STAT1: variants seen among roughly 807,000 people sequenced by gnomAD.
The protein encoded by STAT1 is signal transducer and activator of transcription 1, also known as signal transducer and activator of transcription 1-alpha/beta.
STAT1 carries 24 observed loss-of-function variants against 111.7 expected under a neutral mutation model. The observed-to-expected ratio is 0.21, with a 90% CI of 0.16 to 0.30. The LOEUF (loss-of-function observed/expected upper bound fraction) is 0.30. STAT1 is among the 10% of genes least tolerant of loss of function. The probability of loss-of-function intolerance (pLI) is 1.00; values close to 1 mark genes in which losing one functional copy is unlikely to be tolerated. For missense variants in STAT1, 351 were observed against 911.9 expected (o/e 0.38, Z 7.92); for synonymous variants, 332 against 326.5 (o/e 1.02, Z -0.18).
In STAT1 at chr2:190,974,993, T is replaced by C. The variant is rs987670813; in HGVS notation, c.2136-61A>G. The C allele has an allele frequency of 7.5e-6, 9 of 1,194,114 alleles. No individual in the cohort carries two copies. The highest frequency in any genetic ancestry group is 3.8e-4 in the Middle Eastern group (2 of 5,320). The allele number at this position is 1,194,114 out of a possible 1,614,324, so 74.0% of individuals were successfully genotyped here. Reference sequence around the variant, plus strand: ...TCTGAGTGATGAAAGCACTAGTGCATACTTACACACTTTATCTTTTGTCTG... The same window carrying C: ...TCTGAGTGATGAAAGCACTAGTGCACACTTACACACTTTATCTTTTGTCTG... On this transcript the variant is annotated intron_variant, in intron 23 of 24. Coordinates refer to ENST00000361099, the MANE Select transcript of STAT1 (RefSeq NM_007315.4). This position sits in a 1 kb window ranked among gnomAD's most constrained non-coding sequence, Gnocchi z 4.8.
rs754899246 is a variant in STAT1 at position 191,007,551 on chromosome 2, A to G, written c.372+12T>C. 1 of 1,592,388 alleles carries G rather than the reference A, an allele frequency of 6.3e-7. No individual in the cohort carries two copies. The highest frequency in any genetic ancestry group is 1.1e-5 in the South Asian group (1 of 90,654). On this transcript the variant is annotated intron_variant, in intron 5 of 24. Transcript: ENST00000361099. This position sits in a 1 kb window ranked among gnomAD's most constrained non-coding sequence, Gnocchi z 4.2. ...TTTATTACAGTTTATGTGTTCAATG[A>G]GAAAAAAGTACCTGATTAAATCTCT...
rs1018117023 is a variant in STAT1, at chr2:190,973,666, C to A, written c.2238+1164G>T. Among the ~76,000 whole-genome samples, 1 of 152,166 alleles carries A rather than the reference C, an allele frequency of 6.6e-6. No individual in the cohort carries two copies. The highest frequency in any genetic ancestry group is 1.5e-5 in the Non-Finnish European group (1 of 68,036). ...TTGGGAGCGAAACTCTAGCAGGATC[C>A]TTCTTACATGCAGAAAAGGTTCATT... On this transcript the variant is annotated intron_variant, in intron 24 of 24. Transcript: ENST00000361099. The surrounding 1 kb of genome is among the most constrained non-coding windows in gnomAD (Gnocchi z 4.4).
Position 190,979,626 on chromosome 2 carries a change from C to A in STAT1, c.1727+146G>T. 1.6e-6 allele frequency: 1 copy of A among 611,946 alleles called. No individual in the cohort carries two copies. 37.9% of individuals were successfully genotyped at this position (611,946 alleles called of 1,614,324 possible). A position where few individuals can be genotyped will look rare whatever the true frequency, so the allele number is the denominator to read the frequency against. Reference sequence around the variant, plus strand: ...GTTAATGTTATGAGGTTCTACTCTTCTGAAGCCCTGAAGGGGCAGCCTATA... The same window carrying A: ...GTTAATGTTATGAGGTTCTACTCTTATGAAGCCCTGAAGGGGCAGCCTATA... On this transcript the variant is annotated intron_variant, in intron 20 of 24. Transcript: ENST00000361099. This position sits in a 1 kb window ranked among gnomAD's most constrained non-coding sequence, Gnocchi z 5.8.
At chr2:190,991,399 A>G in intron 10 of STAT1, 79 bp from the exon 11 acceptor site, 1 of 1,328,804 alleles carries the variant, frequency 7.5e-7, no homozygotes, top group Non-Finnish European at 1.1e-6. Flanking sequence ...TCCTGAAAGA[A>G]AAAAGGGGGT....
rs1312572807 is a variant in STAT1, at chr2:190,976,718, C to T, written c.2059+122G>A. The T allele has an allele frequency of 1.2e-6, 1 of 840,236 alleles. No individual in the cohort carries two copies. Among genetic ancestry groups the T allele is most frequent in the South Asian group, 1.4e-5 (1 of 69,736 alleles). The allele number at this position is 840,236 out of a possible 1,614,324, so 52.0% of individuals were successfully genotyped here. A position where few individuals can be genotyped will look rare whatever the true frequency, so the allele number is the denominator to read the frequency against. ...TTCACCTGCACTGAGTTTATGCCAT[C>T]TTTTGAAAGCCTACTCTTACCAATT... On this transcript the variant is annotated intron_variant, in intron 22 of 24. Coordinates refer to ENST00000361099, the MANE Select transcript of STAT1 (RefSeq NM_007315.4). The surrounding 1 kb of genome is among the most constrained non-coding windows in gnomAD (Gnocchi z 6.0).
In STAT1 at chr2:191,003,448, TG is replaced by T. The variant is rs1407603504; in HGVS notation, c.373-2286del. 2.0e-5 allele frequency among the ~76,000 whole-genome samples: 3 copies of T among 152,160 alleles called. No individual in the cohort carries two copies. The highest frequency in any genetic ancestry group is 7.2e-5 in the African/African-American group (3 of 41,434). The stretch of plus-strand genomic sequence containing the variant: ...GAATTGTAATCCCCATTGTTGGAGG[TG>T]GGGCCTGGTGGAAGGTGACTGGATC... On this transcript the variant is annotated intron_variant, in intron 5 of 24. Coordinates refer to ENST00000361099, the MANE Select transcript of STAT1 (RefSeq NM_007315.4). This position sits in a 1 kb window ranked among gnomAD's most constrained non-coding sequence, Gnocchi z 4.0.
chr2:190,998,264 G>T lies in STAT1; in HGVS notation c.586C>A (p.Gln196Lys). 1 of 1,613,772 alleles carries T rather than the reference G, an allele frequency of 6.2e-7. No individual in the cohort carries two copies. The highest frequency in any genetic ancestry group is 8.5e-7 in the Non-Finnish European group (1 of 1,179,944). The change falls in exon 8 of 25, where the codon CAG becomes AAG. Residue 196 changes from glutamine (Q) to lysine (K), a missense_variant. Around this residue, in one of 7 missense-constraint regions of STAT1, gnomAD observed 67 missense variants for 158.9 expected, o/e 0.42. Coordinates refer to ENST00000361099, the MANE Select transcript of STAT1 (RefSeq NM_007315.4). The surrounding 1 kb of genome is among the most constrained non-coding windows in gnomAD (Gnocchi z 4.1). ...AAATACATCTTCTTGAGTAACAGCT[G>T]TTCTTGTTTCTGATCACTCTTTGCC... ...GVAKSDQKQE[Q>K]LLLKKMYLML...
At chr2:190,994,927 A>ATATATATATATAT (rs1553496759) in intron 10 of STAT1, 134 bp downstream of exon 10, 2 of 134,064 alleles carry the variant, frequency 1.5e-5, no homozygotes, top group Non-Finnish European at 2.6e-5. Context: ...AAAAAAAAAA[A>ATATATATATATAT]ATATATATAT....
In STAT1 at chr2:191,003,048, G is replaced by A. The variant is rs1694396434; in HGVS notation, c.373-1885C>T. Reference sequence around the variant, plus strand: ...ATTCTGATCCCTAATATCTTATTGAGGACTTTTATATTGATACTCATAAGT... The same window carrying A: ...ATTCTGATCCCTAATATCTTATTGAAGACTTTTATATTGATACTCATAAGT... On this transcript the variant is annotated intron_variant, in intron 5 of 24. Coordinates refer to ENST00000361099, the MANE Select transcript of STAT1 (RefSeq NM_007315.4). This position sits in a 1 kb window ranked among gnomAD's most constrained non-coding sequence, Gnocchi z 4.0. Among the ~76,000 whole-genome samples the A allele has an allele frequency of 6.6e-6, 1 of 151,978 alleles. No individual in the cohort carries two copies. The highest frequency in any genetic ancestry group is 1.5e-5 in the Non-Finnish European group (1 of 67,984).
chr2:191,008,498 A>G (rs2125099418), intron 4 of STAT1, among the ~76,000 whole-genome samples: 1 of 152,304 alleles, frequency 6.6e-6, no homozygotes, highest in South Asian at 2.1e-4. Context: ...GGCAAGGTGG[A>G]GTCTAGTTCC....
chr2:190,981,727 C>A lies in STAT1; in HGVS notation c.1582+656G>T, dbSNP rs891036648. 9.2e-5 allele frequency among the ~76,000 whole-genome samples: 14 copies of A among 152,204 alleles called. No homozygotes were observed. Among genetic ancestry groups the A allele is most frequent in the Admixed American group, 9.2e-4 (14 of 15,282 alleles). On this transcript the variant is annotated intron_variant, in intron 18 of 24. Coordinates refer to ENST00000361099, the MANE Select transcript of STAT1 (RefSeq NM_007315.4). This position sits in a 1 kb window ranked among gnomAD's most constrained non-coding sequence, Gnocchi z 4.1. ...AGCAAATCTGGATACAAGTTGTCCA[C>A]GGATTTTTAAAGAAATAGTTCAGAT...
rs1692801405 is a variant in STAT1, at chr2:190,986,176, C to T, written c.1222-516G>A. ...AAGCTTTCGAGTTAGGTAGAGCTTC[C>T]TAGCTACGAGGCTTGCTGGATCACA... On this transcript the variant is annotated intron_variant, in intron 14 of 24. Transcript: ENST00000361099. This position sits in a 1 kb window ranked among gnomAD's most constrained non-coding sequence, Gnocchi z 5.0. Among the ~76,000 whole-genome samples the T allele has an allele frequency of 6.6e-6, 1 of 152,174 alleles. No individual in the cohort carries two copies. Among genetic ancestry groups the T allele is most frequent in the Non-Finnish European group, 1.5e-5 (1 of 68,020 alleles).
chr2:190,979,693 C>T lies in STAT1; in HGVS notation c.1727+79G>A. On this transcript the variant is annotated intron_variant, in intron 20 of 24. Coordinates refer to ENST00000361099, the MANE Select transcript of STAT1 (RefSeq NM_007315.4). The surrounding 1 kb of genome is among the most constrained non-coding windows in gnomAD (Gnocchi z 5.8). Reference sequence around the variant, plus strand: ...AGATTCACACACGCCTAGTCAAATACTGAAGCTGGACTCAGGCCTTGTCTC... The same window carrying T: ...AGATTCACACACGCCTAGTCAAATATTGAAGCTGGACTCAGGCCTTGTCTC... 8.6e-7 allele frequency: 1 copy of T among 1,164,478 alleles called. No individual in the cohort carries two copies. The highest frequency in any genetic ancestry group is 1.3e-6 in the Non-Finnish European group (1 of 772,568). The allele number at this position is 1,164,478 out of a possible 1,614,324, so 72.1% of individuals were successfully genotyped here.
intron 15 of STAT1, among the ~76,000 whole-genome samples, chr2:190,985,361 C>T (rs1352617263): frequency 2.0e-5 from 3 of 152,230 alleles, no homozygotes; most frequent in Admixed American, 2.0e-4. Flanking sequence ...GCGAAGAATA[C>T]AAAAGCCCAC....
At position 190,979,543 on chromosome 2, in the gene STAT1, GT is replaced by G. The variant is rs369850201; in HGVS notation, c.1727+228del. Among the ~76,000 whole-genome samples the G allele has an allele frequency of 0.034, 4,942 of 144,412 alleles. 123 individuals carry two copies. Among genetic ancestry groups the G allele is most frequent in the South Asian group, 0.1 (474 of 4,592 alleles). 94.7% of individuals were successfully genotyped at this position (144,412 alleles called of 152,430 possible). A position where few individuals can be genotyped will look rare whatever the true frequency, so the allele number is the denominator to read the frequency against. On this transcript the variant is annotated intron_variant, in intron 20 of 24. Coordinates refer to ENST00000361099, the MANE Select transcript of STAT1 (RefSeq NM_007315.4). The surrounding 1 kb of genome is among the most constrained non-coding windows in gnomAD (Gnocchi z 5.8). The stretch of plus-strand genomic sequence containing the variant: ...AATGCATGAATGGCACTCAAGAGTT[GT>G]TTTTTTTTTTTAATTTAGCTTTGCC...
At position 191,000,028 on chromosome 2, in the gene STAT1, C is replaced by T. The variant is rs1206403756; in HGVS notation, c.463-324G>A. On this transcript the variant is annotated intron_variant, in intron 6 of 24. Coordinates refer to ENST00000361099, the MANE Select transcript of STAT1 (RefSeq NM_007315.4). This position sits in a 1 kb window ranked among gnomAD's most constrained non-coding sequence, Gnocchi z 4.8. ...TCTGAGATATGATTTAAGAACTCCA[C>T]TGTGAAGCCCACAGCAGGCGGGGAA... Among the ~76,000 whole-genome samples the T allele has an allele frequency of 6.6e-6, 1 of 152,232 alleles. No individual in the cohort carries two copies. Among genetic ancestry groups the T allele is most frequent in the Non-Finnish European group, 1.5e-5 (1 of 68,044 alleles).
Position 190,974,988 on chromosome 2 carries a change from G to C in STAT1, c.2136-56C>G. 8.0e-7 allele frequency: 1 copy of C among 1,257,274 alleles called. No homozygotes were observed. The highest frequency in any genetic ancestry group is 1.2e-6 in the Non-Finnish European group (1 of 860,376). 77.9% of individuals were successfully genotyped at this position (1,257,274 alleles called of 1,614,324 possible). On this transcript the variant is annotated intron_variant, in intron 23 of 24. Transcript: ENST00000361099. This position sits in a 1 kb window ranked among gnomAD's most constrained non-coding sequence, Gnocchi z 4.8. ...CAACATCTGAGTGATGAAAGCACTA[G>C]TGCATACTTACACACTTTATCTTTT... is the stretch of plus-strand genomic sequence containing the variant.
At chr2:190,991,180 C>A (rs41497448) in intron 11 of STAT1, 48 bp downstream of exon 11, 515 of 1,583,408 alleles carry the variant, frequency 3.3e-4, no homozygotes, top group Non-Finnish European at 4.3e-4. Flanking sequence ...ACTAGGGGTA[C>A]AAACTACGTG....
chr2:190,987,157 T>G lies in STAT1; in HGVS notation c.1098-89A>C, dbSNP rs1326009144. ...TTATAAGAGTATAAGAGCATAAGAG[T>G]GTAAGTGAATGATGAATAAAAAATA... On this transcript the variant is annotated intron_variant, in intron 12 of 24. Transcript: ENST00000361099. The surrounding 1 kb of genome is among the most constrained non-coding windows in gnomAD (Gnocchi z 4.0). 7 of 965,650 alleles carry G rather than the reference T, an allele frequency of 7.2e-6. No individual in the cohort carries two copies. Among genetic ancestry groups the G allele is most frequent in the Non-Finnish European group, 1.1e-5 (7 of 613,502 alleles). The allele number at this position is 965,650 out of a possible 1,614,324, so 59.8% of individuals were successfully genotyped here.
Sources: gnomAD v4.1 joint callset for allele counts (sites outside exome capture counted in the v4.1 genomes callset) on GRCh38, gnomAD v4.1.1 for gene constraint, gnomAD v4.1.1 regional missense constraint, Gnocchi (gnomAD v3.1) non-coding constraint, MANE v1.5 for transcripts, NCBI Gene and HGNC (gene_info 2026-07-23, HGNC 2026-07-21) for gene names.